The following RBM19 variants were observed in gnomAD, a reference collection of about 807,000 sequenced individuals.
RBM19 encodes RNA binding motif protein 19.
RBM19 carries 94 observed loss-of-function variants against 116.8 expected under a neutral mutation model. The observed-to-expected ratio is 0.80, with a 90% CI of 0.68 to 0.95. RBM19 has a LOEUF of 0.95. Ranked by LOEUF, RBM19 falls within the 40% of genes least tolerant of loss-of-function variation. The pLI is 0.00. For missense variants in RBM19, 1,161 were observed against 1,220.7 expected, an observed-to-expected ratio of 0.95 and a Z score of 0.73; for synonymous variants, 475 against 494.1, an observed-to-expected ratio of 0.96 and a Z score of 0.51.
chr12:113,918,593 G>A, intron 19 of RBM19, 146 bp from the exon 20 acceptor site: 3 of 787,634 alleles, frequency 3.8e-6, no homozygotes, highest in South Asian at 1.8e-5. Context: ...AGAGGACAGA[G>A]GATGGTTTTT....
At chr12:113,873,820 G>C (rs1054170012) in intron 21 of RBM19, among the ~76,000 whole-genome samples, 2 of 152,186 alleles carry the variant, frequency 1.3e-5, no homozygotes, top group Non-Finnish European at 2.9e-5. Context: ...ACCCCTCATT[G>C]TTCAGTGATG....
chr12:113,917,599 G>T (rs1882843624), intron 20 of RBM19, among the ~76,000 whole-genome samples: 1 of 152,166 alleles, frequency 6.6e-6, no homozygotes, highest in Non-Finnish European at 1.5e-5. Context: ...AAAAAGAAAG[G>T]TCAATTCGCT....
At chr12:113,867,363 C>T (rs1878895273) in intron 21 of RBM19, among the ~76,000 whole-genome samples, 2 of 152,214 alleles carry the variant, frequency 1.3e-5, no homozygotes. Flanking sequence ...GCAATCATCA[C>T]CAGGCAAATA....
intron 21 of RBM19, among the ~76,000 whole-genome samples, chr12:113,887,465 G>A (rs754027720): frequency 5.3e-5 from 8 of 151,600 alleles, no homozygotes; most frequent in East Asian, 2.0e-4. Context: ...GTGAAACCCC[G>A]TCTCTGCTAA....
At chr12:113,905,538 C>G (rs571900553) in intron 21 of RBM19, among the ~76,000 whole-genome samples, 2 of 152,026 alleles carry the variant, frequency 1.3e-5, no homozygotes, top group South Asian at 4.2e-4. Context: ...TTCATGAGCT[C>G]AGAGGAGGCA....
intron 5 of RBM19, 101 bp from the exon 6 acceptor site, chr12:113,958,151 C>A: frequency 6.6e-7 from 1 of 1,509,920 alleles, no homozygotes; most frequent in East Asian, 2.3e-5. Flanking sequence ...GCCTGAGGCA[C>A]CATGCCCACC....
chr12:113,946,060 C>A (rs1275605187), intron 12 of RBM19, 136 bp from the exon 13 acceptor site: 2 of 841,932 alleles, frequency 2.4e-6, no homozygotes, highest in African/African-American at 1.7e-5. Context: ...TCATGGGCTA[C>A]GTATACAGGG....
intron 13 of RBM19, among the ~76,000 whole-genome samples, chr12:113,944,893 A>T (rs1426217359): frequency 6.6e-6 from 1 of 151,758 alleles, no homozygotes; most frequent in Non-Finnish European, 1.5e-5. Flanking sequence ...ATTTATATAC[A>T]TATACACACA....
Position 113,929,136 on chromosome 12 carries a change from G to C in RBM19, c.2069-1907C>G, listed in dbSNP as rs186434209. 3.3e-5 allele frequency among the ~76,000 whole-genome samples: 5 copies of C among 152,294 alleles called. No individual in the cohort carries two copies. In the East Asian group the frequency reaches 9.7e-4, roughly 29 times the overall value. On this transcript the variant is annotated intron_variant, in intron 16 of 23. Coordinates refer to ENST00000261741, the MANE Select transcript of RBM19 (RefSeq NM_016196.4). ...TTCTACTCACACCTTCACTTGCATA[G>C]TTCAAACTTCTTTGTGATGTAAGGG...
At chr12:113,844,546 T>G (rs1593473195) in intron 23 of RBM19, 122 bp downstream of exon 23, 3 of 1,334,818 alleles carry the variant, frequency 2.2e-6, no homozygotes, top group Non-Finnish European at 3.0e-6. Flanking sequence ...CAGCAGGAGG[T>G]GCTTGGCAGC....
chr12:113,942,780 T>A (rs1361092986), intron 13 of RBM19, among the ~76,000 whole-genome samples: 1 of 152,038 alleles, frequency 6.6e-6, no homozygotes, highest in South Asian at 2.1e-4. Flanking sequence ...CCAGCTCATT[T>A]TTATATTTTT....
At chr12:113,892,939 T>C (rs1881056279) in intron 21 of RBM19, among the ~76,000 whole-genome samples, 1 of 152,158 alleles carries the variant, frequency 6.6e-6, no homozygotes, top group South Asian at 2.1e-4. Context: ...AATAATGATC[T>C]TTATTTTGGG....
At chr12:113,923,133 C>A (rs929467761) in intron 18 of RBM19, among the ~76,000 whole-genome samples, 2 of 151,752 alleles carry the variant, frequency 1.3e-5, no homozygotes, top group African/African-American at 4.8e-5. Flanking sequence ...GACTCTGTCT[C>A]GAAAAATAAA....
chr12:113,942,369 C>T lies in RBM19; in HGVS notation c.1692G>A (p.Arg564=), dbSNP rs140929347. Residue 564 remains arginine (R), a synonymous_variant, in exon 14 of 24, where the codon CGG becomes CGA. Coordinates refer to ENST00000261741, the MANE Select transcript of RBM19 (RefSeq NM_016196.4). ...TGACCCCGTTGTCTATGAGAAAACG[C>T]CGCACTTCCTGGACGAGCTGGGTTT... ...LGETQLVQEV[R]RFLIDNGVSL... is the part of the protein sequence containing the mutation. 6.2e-7 allele frequency: 1 copy of T among 1,609,254 alleles called. No homozygotes were observed. Among genetic ancestry groups the T allele is most frequent in the African/African-American group, 1.3e-5 (1 of 74,882 alleles).
chr12:113,946,589 G>T, intron 11 of RBM19, 114 bp from the exon 12 acceptor site: 1 of 1,410,694 alleles, frequency 7.1e-7, no homozygotes, highest in Non-Finnish European at 9.8e-7. Flanking sequence ...CTGAAACCCT[G>T]ACCAGAGGGT....
intron 21 of RBM19, among the ~76,000 whole-genome samples, chr12:113,896,425 C>T (rs544495485): frequency 3.3e-5 from 5 of 152,312 alleles, no homozygotes; most frequent in South Asian, 2.1e-4. Context: ...CCACAGGCTC[C>T]GCCCCCCATG....
chr12:113,935,054 G>GT (rs1356002456), intron 16 of RBM19, among the ~76,000 whole-genome samples: 1 of 152,130 alleles, frequency 6.6e-6, no homozygotes, highest in Non-Finnish European at 1.5e-5. Context: ...ACAAATACAA[G>GT]TAACAAATAA....
At chr12:113,957,424 A>C (rs902030999) in intron 6 of RBM19, among the ~76,000 whole-genome samples, 28 of 152,160 alleles carry the variant, frequency 1.8e-4, no homozygotes, top group African/African-American at 6.3e-4. Flanking sequence ...AAAAATACAA[A>C]AAATTAGCTG....
intron 23 of RBM19, among the ~76,000 whole-genome samples, chr12:113,840,405 C>T (rs1565967106): frequency 6.6e-6 from 1 of 152,214 alleles, no homozygotes; most frequent in Non-Finnish European, 1.5e-5. Flanking sequence ...CCAACCTGGG[C>T]ATCGTTTCTC....
Sources: allele counts gnomAD v4.1 joint callset (sites outside exome capture counted in the v4.1 genomes callset), GRCh38; gene constraint gnomAD v4.1.1; transcripts MANE v1.5; gene names NCBI Gene and HGNC (gene_info 2026-07-23, HGNC 2026-07-21).